NEGR1: variants seen among roughly 807,000 people sequenced by gnomAD.
NEGR1 encodes IgLON family member 4.
In NEGR1, 10 loss-of-function variants were observed where a neutral mutation model predicts 40.9. That is an observed-to-expected ratio of 0.24 (90% CI 0.15 to 0.42). The LOEUF is 0.42. Among genes scored for constraint, NEGR1 ranks in the 10% least tolerant of loss-of-function variants. NEGR1 has a pLI of 1.00. For missense variants in NEGR1, 352 were observed against 438.9 expected, an observed-to-expected ratio of 0.80 and a Z score of 1.77; for synonymous variants, 185 against 166.8, an observed-to-expected ratio of 1.11 and a Z score of -0.84.
chr1:72,228,483 G>A (rs1044448787), intron 1 of NEGR1, among the ~76,000 whole-genome samples: 3 of 152,102 alleles, frequency 2.0e-5, no homozygotes, highest in African/African-American at 2.4e-5. Flanking sequence ...ACAGAAGGTG[G>A]ATTGTGGGAC....
chr1:71,519,789 G>C (rs933280543), intron 6 of NEGR1, among the ~76,000 whole-genome samples: 1 of 149,846 alleles, frequency 6.7e-6, no homozygotes, highest in African/African-American at 2.5e-5. Context: ...GAATCACAAA[G>C]TCAAATGCAC....
At chr1:71,804,491 C>T (rs1016614102) in intron 2 of NEGR1, among the ~76,000 whole-genome samples, 1 of 152,218 alleles carries the variant, frequency 6.6e-6, no homozygotes, top group African/African-American at 2.4e-5. Flanking sequence ...GAGGAACTGG[C>T]TGAAGCCATG....
At chr1:71,778,336 A>T (rs1326762165) in intron 2 of NEGR1, among the ~76,000 whole-genome samples, 1 of 152,146 alleles carries the variant, frequency 6.6e-6, no homozygotes, top group African/African-American at 2.4e-5. Context: ...TTTCATTTTC[A>T]GTATAGTATT....
In NEGR1 at chr1:71,409,465, A is replaced by G. The variant is rs76859090; in HGVS notation, c.941-1895T>C. Reference sequence around the variant, plus strand: ...ATGAGAAATTAAGTAGTAACATTAAATGGGTAGATTATCAAGTCCCCTCAA... The same window carrying G: ...ATGAGAAATTAAGTAGTAACATTAAGTGGGTAGATTATCAAGTCCCCTCAA... On this transcript the variant is annotated intron_variant, in intron 6 of 6. Transcript: ENST00000357731. 5.6e-4 allele frequency among the ~76,000 whole-genome samples: 85 copies of G among 152,212 alleles called. 1 individual carries two copies. The East Asian group carries it at 0.012, about 22-fold the overall frequency.
intron 6 of NEGR1, among the ~76,000 whole-genome samples, chr1:71,479,392 A>G (rs1007549221): frequency 6.6e-6 from 1 of 152,018 alleles, no homozygotes; most frequent in Admixed American, 6.6e-5. Context: ...TCAGAAAACC[A>G]GCATCCCATT....
intron 6 of NEGR1, among the ~76,000 whole-genome samples, chr1:71,562,067 A>G (rs1648478588): frequency 6.6e-6 from 1 of 151,634 alleles, no homozygotes; most frequent in African/African-American, 2.4e-5. Flanking sequence ...AGATCCGCTA[A>G]TAATGACTTA....
At chr1:72,053,565 C>G (rs1451155002) in intron 1 of NEGR1, among the ~76,000 whole-genome samples, 1 of 150,860 alleles carries the variant, frequency 6.6e-6, no homozygotes, top group Non-Finnish European at 1.5e-5. Context: ...ATGCTTGGCT[C>G]TAGATACAAT....
At chr1:71,829,182 T>C (rs946787925) in intron 2 of NEGR1, among the ~76,000 whole-genome samples, 7 of 151,962 alleles carry the variant, frequency 4.6e-5, no homozygotes, top group African/African-American at 1.7e-4. Flanking sequence ...AAACTGAAAT[T>C]AATTAGTATT....
At chr1:72,102,510 G>A (rs771836111) in intron 1 of NEGR1, among the ~76,000 whole-genome samples, 53 of 152,142 alleles carry the variant, frequency 3.5e-4, no homozygotes, top group Admixed American at 9.8e-4. Flanking sequence ...TAAATTCAAT[G>A]AACTACTCAT....
intron 2 of NEGR1, among the ~76,000 whole-genome samples, chr1:71,776,587 TAAGTA>T (rs771612594): frequency 2.7e-4 from 41 of 152,328 alleles, no homozygotes; most frequent in African/African-American, 9.4e-4. Context: ...TAATTTGTGT[TAAGTA>T]AACTAGAATA....
intron 4 of NEGR1, among the ~76,000 whole-genome samples, chr1:71,623,181 T>A (rs1356042568): frequency 2.0e-5 from 3 of 151,812 alleles, no homozygotes; most frequent in African/African-American, 7.3e-5. Flanking sequence ...GAAATATAGT[T>A]GTAAACTACC....
At chr1:71,563,218 A>G (rs1012986731) in intron 6 of NEGR1, among the ~76,000 whole-genome samples, 1 of 152,024 alleles carries the variant, frequency 6.6e-6, no homozygotes, top group African/African-American at 2.4e-5. Context: ...GTGCAACAAG[A>G]TAACAGTTCA....
intron 1 of NEGR1, among the ~76,000 whole-genome samples, chr1:72,280,735 G>C (rs1358547923): frequency 6.6e-6 from 1 of 151,986 alleles, no homozygotes; most frequent in Non-Finnish European, 1.5e-5. Flanking sequence ...GAACTCATAG[G>C]CATGTTCCAA....
intron 6 of NEGR1, among the ~76,000 whole-genome samples, chr1:71,504,518 T>A (rs556158567): frequency 6.6e-6 from 1 of 152,146 alleles, no homozygotes; most frequent in African/African-American, 2.4e-5. Context: ...GAAAATATCC[T>A]GAATGGAAAT....
At chr1:72,134,583 C>A (rs1391550602) in intron 1 of NEGR1, among the ~76,000 whole-genome samples, 1 of 150,648 alleles carries the variant, frequency 6.6e-6, no homozygotes, top group South Asian at 2.1e-4. Flanking sequence ...AATTTCATGC[C>A]TAAACCAACA....
At chr1:71,759,880 A>T (rs1430202362) in intron 3 of NEGR1, among the ~76,000 whole-genome samples, 2 of 151,920 alleles carry the variant, frequency 1.3e-5, no homozygotes, top group Non-Finnish European at 2.9e-5. Context: ...AATTACTGGG[A>T]TTACAGGCAT....
chr1:71,471,663 A>AAC (rs989437997), intron 6 of NEGR1, among the ~76,000 whole-genome samples: 4 of 10,642 alleles, frequency 3.8e-4, no homozygotes, highest in Admixed American at 7.3e-4. Context: ...CAACAACAAC[A>AAC]AAAAAAAAGA....
intron 1 of NEGR1, among the ~76,000 whole-genome samples, chr1:72,118,174 T>C (rs1649653462): frequency 6.6e-6 from 1 of 151,846 alleles, no homozygotes; most frequent in Non-Finnish European, 1.5e-5. Flanking sequence ...TGGACTTGAT[T>C]AAGGAGATAT....
chr1:72,162,492 C>T (rs1651606918), intron 1 of NEGR1, among the ~76,000 whole-genome samples: 1 of 151,688 alleles, frequency 6.6e-6, no homozygotes, highest in South Asian at 2.1e-4. Flanking sequence ...AAAAGAAAAA[C>T]AAACAAAGCA....
Sources: gnomAD v4.1 joint callset for allele counts (sites outside exome capture counted in the v4.1 genomes callset) on GRCh38, gnomAD v4.1.1 for gene constraint, MANE v1.5 for transcripts, NCBI Gene and HGNC (gene_info 2026-07-23, HGNC 2026-07-21) for gene names.